LMTK2: variants seen among roughly 807,000 people sequenced by gnomAD.
The protein encoded by LMTK2 is serine/threonine-protein kinase LMTK2.
A neutral mutation model predicts 127.5 loss-of-function variants in LMTK2; 37 were observed. That is an observed-to-expected ratio of 0.29 (90% CI 0.22 to 0.38). The LOEUF is 0.38. Among genes scored for constraint, LMTK2 ranks in the 10% least tolerant of loss-of-function variants. The pLI, the probability that LMTK2 is intolerant of heterozygous loss-of-function variation, is 1.00. For synonymous variants in LMTK2, 819 were observed against 810.1 expected (o/e 1.01, Z -0.19); for missense variants, 1,694 against 1,920.3 (o/e 0.88, Z 2.20).
At position 98,200,425 on chromosome 7, in the gene LMTK2, G is replaced by C. The variant is rs73710392; in HGVS notation, c.4108-3149G>C. On this transcript the variant is annotated intron_variant, in intron 11 of 13. Coordinates refer to ENST00000297293, the MANE Select transcript of LMTK2 (RefSeq NM_014916.4). Reference sequence around the variant, plus strand: ...ACTGTGTGAGTGTACTTATAACATGGCTTCTTTTCAACCCAAAACAGATCG... The same window carrying C: ...ACTGTGTGAGTGTACTTATAACATGCCTTCTTTTCAACCCAAAACAGATCG... 2.1e-3 allele frequency among the ~76,000 whole-genome samples: 325 copies of C among 152,320 alleles called. 3 individuals carry two copies. The highest frequency in any genetic ancestry group is 7.4e-3 in the African/African-American group (308 of 41,576).
Position 98,140,179 on chromosome 7 carries a change from T to G in LMTK2, c.232-1218T>G, listed in dbSNP as rs1796670907. On this transcript the variant is annotated intron_variant, in intron 2 of 13. Coordinates refer to ENST00000297293, the MANE Select transcript of LMTK2 (RefSeq NM_014916.4). ...TTTCTTTTCTTTTCTTTTCTTTCTT[T>G]TCTTTCTTCTTTCTGTCTTTGAGAT... 1.9e-4 allele frequency among the ~76,000 whole-genome samples: 14 copies of G among 73,394 alleles called. 1 individual carries two copies. The highest frequency in any genetic ancestry group is 8.5e-4 in the South Asian group (1 of 1,170). 48.1% of individuals were successfully genotyped at this position (73,394 alleles called of 152,430 possible). A position where few individuals can be genotyped will look rare whatever the true frequency, so the allele number is the denominator to read the frequency against.
At chr7:98,200,117 T>G (rs1162016155) in intron 11 of LMTK2, among the ~76,000 whole-genome samples, 1 of 152,226 alleles carries the variant, frequency 6.6e-6, no homozygotes, top group African/African-American at 2.4e-5. Flanking sequence ...GCGTAGTTTT[T>G]GTAGTGGTTG....
intron 1 of LMTK2, among the ~76,000 whole-genome samples, chr7:98,115,869 A>G (rs1796274326): frequency 6.6e-6 from 1 of 152,118 alleles, no homozygotes; most frequent in African/African-American, 2.4e-5. Context: ...ACCACTTTAT[A>G]TCTTCATATC....
intron 5 of LMTK2, among the ~76,000 whole-genome samples, chr7:98,156,014 C>G (rs557863250): frequency 6.6e-6 from 1 of 151,682 alleles, no homozygotes; most frequent in South Asian, 2.1e-4. Flanking sequence ...ACTCTCAAAA[C>G]TCAACAGAAA....
In LMTK2 at chr7:98,128,245, A is replaced by G. The variant is rs145971733; in HGVS notation, c.104-9070A>G. On this transcript the variant is annotated intron_variant, in intron 1 of 13. Coordinates refer to ENST00000297293, the MANE Select transcript of LMTK2 (RefSeq NM_014916.4). ...TTTACCCCTCCATGTACCTCAAACTATAACTGTATTTGGAGATAGGCCTTT... is the reference window on the plus strand; with the variant it reads ...TTTACCCCTCCATGTACCTCAAACTGTAACTGTATTTGGAGATAGGCCTTT... 4.8e-3 allele frequency among the ~76,000 whole-genome samples: 730 copies of G among 152,362 alleles called. 3 individuals are homozygous for G. Among genetic ancestry groups the G allele is most frequent in the Middle Eastern group, 0.01 (3 of 294 alleles).
intron 1 of LMTK2, among the ~76,000 whole-genome samples, chr7:98,129,251 A>C (rs2116344560): frequency 6.6e-6 from 1 of 151,854 alleles, no homozygotes; most frequent in African/African-American, 2.4e-5. Context: ...CGCCCGGCTA[A>C]GTTTTTGTAT....
chr7:98,187,091 T>C, intron 9 of LMTK2, 93 bp downstream of exon 9: 1 of 1,186,032 alleles, frequency 8.4e-7, no homozygotes, highest in Non-Finnish European at 1.2e-6. Flanking sequence ...AGTAGTTGTA[T>C]AAGATGTAGG....
intron 1 of LMTK2, among the ~76,000 whole-genome samples, chr7:98,116,390 C>CTGTG (rs34663305): frequency 2.3e-4 from 34 of 150,326 alleles, no homozygotes; most frequent in Non-Finnish European, 3.1e-4. Flanking sequence ...CAGTGTGTGT[C>CTGTG]TGTGTGTGTG....
At position 98,194,191 on chromosome 7, in the gene LMTK2, G is replaced by T. The variant is rs147007139; in HGVS notation, c.3726G>T (p.Ala1242=). The change falls in exon 11 of 14, where the codon GCG becomes GCT. Residue 1242 remains alanine (A), a synonymous_variant. Coordinates refer to ENST00000297293, the MANE Select transcript of LMTK2 (RefSeq NM_014916.4). This position sits in a 1 kb window ranked among gnomAD's most constrained non-coding sequence, Gnocchi z 5.4. Reference sequence around the variant, plus strand: ...AACTCCTTGCCTACACCAATTCTGCGCTGGACAAGTCCCTGTCCAGCCACT... The same window carrying T: ...AACTCCTTGCCTACACCAATTCTGCTCTGGACAAGTCCCTGTCCAGCCACT... The part of the protein sequence containing the change: ...TNELLAYTNS[A]LDKSLSSHSE... The T allele has an allele frequency of 1.2e-6, 2 of 1,613,952 alleles. No individual in the cohort carries two copies. The highest frequency in any genetic ancestry group is 1.3e-5 in the African/African-American group (1 of 75,024).
chr7:98,107,630 C>T (rs1554381371), intron 1 of LMTK2, among the ~76,000 whole-genome samples: 1 of 152,028 alleles, frequency 6.6e-6, no homozygotes, highest in Non-Finnish European at 1.5e-5. Context: ...GCCTCTTGTG[C>T]TTTTTTTTCG....
intron 3 of LMTK2, among the ~76,000 whole-genome samples, chr7:98,144,776 T>C (rs975421723): frequency 7.9e-5 from 12 of 151,032 alleles, no homozygotes; most frequent in African/African-American, 2.7e-4. Flanking sequence ...AAAGGTGTCA[T>C]GGTAAATTCA....
intron 7 of LMTK2, among the ~76,000 whole-genome samples, chr7:98,175,167 C>T (rs1467911667): frequency 3.9e-5 from 6 of 152,130 alleles, no homozygotes; most frequent in African/African-American, 1.2e-4. Context: ...GTCATTTCTG[C>T]AGGAGGAGGA....
intron 5 of LMTK2, among the ~76,000 whole-genome samples, chr7:98,158,338 A>G (rs1292113505): frequency 1.3e-5 from 2 of 152,166 alleles, no homozygotes; most frequent in Admixed American, 1.3e-4. Flanking sequence ...GCAGTGGTGT[A>G]GTCATGGCTC....
At chr7:98,134,738 G>T (rs1008981421) in intron 1 of LMTK2, among the ~76,000 whole-genome samples, 2 of 152,044 alleles carry the variant, frequency 1.3e-5, no homozygotes, top group African/African-American at 4.8e-5. Flanking sequence ...ACTGCAAGGA[G>T]GAAGAGAAGA....
intron 3 of LMTK2, among the ~76,000 whole-genome samples, chr7:98,148,492 CAAAAAA>C (rs1202150647): frequency 7.4e-6 from 1 of 135,368 alleles, no homozygotes; most frequent in Admixed American, 7.3e-5. Context: ...GACTCCGTCT[CAAAAAA>C]AAAAAAAAAT....
chr7:98,158,612 TA>T (rs56665695), intron 5 of LMTK2, among the ~76,000 whole-genome samples: 7,858 of 151,998 alleles, frequency 0.052, 577 homozygotes, highest in East Asian at 0.33. Flanking sequence ...AATGCAGTAG[TA>T]AAAAAAATAT....
At chr7:98,126,297 A>G (rs1474343310) in intron 1 of LMTK2, among the ~76,000 whole-genome samples, 1 of 152,148 alleles carries the variant, frequency 6.6e-6, no homozygotes, top group African/African-American at 2.4e-5. Flanking sequence ...GTTGTGTGAC[A>G]AAACAGAATA....
chr7:98,184,920 G>A (rs1322654083), intron 7 of LMTK2, 131 bp from the exon 8 acceptor site: 1 of 603,604 alleles, frequency 1.7e-6, no homozygotes, highest in Non-Finnish European at 3.0e-6. Context: ...ATTTTGAGAG[G>A]TTAATTCTTA....
At chr7:98,116,489 T>C (rs1796288206) in intron 1 of LMTK2, among the ~76,000 whole-genome samples, 1 of 152,080 alleles carries the variant, frequency 6.6e-6, no homozygotes. Context: ...CTGAAGCCTC[T>C]CATTCTCTTG....
Sources: gnomAD v4.1 joint callset for allele counts (sites outside exome capture counted in the v4.1 genomes callset) on GRCh38, gnomAD v4.1.1 for gene constraint, Gnocchi (gnomAD v3.1) non-coding constraint, MANE v1.5 for transcripts, NCBI Gene and HGNC (gene_info 2026-07-23, HGNC 2026-07-21) for gene names.